MCM9: variants seen among roughly 807,000 people sequenced by gnomAD.
The protein encoded by MCM9 is minichromosome maintenance 9 homologous recombination repair factor.
MCM9 carries 55 observed loss-of-function variants against 72.8 expected under a neutral mutation model. The observed-to-expected ratio is 0.76, with a 90% CI of 0.61 to 0.95. The LOEUF is 0.95. Among genes scored for constraint, MCM9 ranks in the 40% least tolerant of loss-of-function variants. The pLI is 0.00. For synonymous variants in MCM9, 480 were observed against 503.4 expected (o/e 0.95, Z 0.62); for missense variants, 1,279 against 1,377.0 (o/e 0.93, Z 1.13).
intron 8 of MCM9, among the ~76,000 whole-genome samples, chr6:118,903,406 G>A (rs1779939171): frequency 6.6e-6 from 1 of 152,080 alleles, no homozygotes; most frequent in Admixed American, 6.6e-5. Context: ...ATTTACAAAT[G>A]AATTCCAAAA....
chr6:118,832,043 C>G (rs1110085), intron 9 of MCM9, among the ~76,000 whole-genome samples: 148,626 of 152,208 alleles, frequency 0.98, 72,683 homozygotes, highest in Middle Eastern at 1. Context: ...CTGGGATTTT[C>G]GGCATCAACT....
At position 118,830,016 on chromosome 6, in the gene MCM9, G is replaced by T. The variant is rs116225524; in HGVS notation, c.1326-766C>A. On this transcript the variant is annotated intron_variant, in intron 9 of 13. Transcript: ENST00000619706. ...GACAGGAAAGGACTGTGGACAGGATGCAGGGTAGGGGCTCTAGTACAATGG... is the reference window on the plus strand; with the variant it reads ...GACAGGAAAGGACTGTGGACAGGATTCAGGGTAGGGGCTCTAGTACAATGG... Among the ~76,000 whole-genome samples the T allele has an allele frequency of 3.5e-3, 538 of 152,288 alleles. 1 individual carries two copies. Among genetic ancestry groups the T allele is most frequent in the African/African-American group, 0.013 (523 of 41,538 alleles).
chr6:118,905,548 G>C, intron 8 of MCM9: 1 of 817,234 alleles, frequency 1.2e-6, no homozygotes, highest in Non-Finnish European at 1.8e-6. Context: ...AGTTTTTCTT[G>C]TTGCATCCTC....
intron 9 of MCM9, among the ~76,000 whole-genome samples, chr6:118,846,224 A>G (rs1775854246): frequency 6.6e-6 from 1 of 151,934 alleles, no homozygotes; most frequent in African/African-American, 2.4e-5. Context: ...CAAAGCAAGC[A>G]AATAAACCCA....
chr6:118,876,417 C>T (rs1222514342), intron 8 of MCM9, among the ~76,000 whole-genome samples: 3 of 152,082 alleles, frequency 2.0e-5, no homozygotes, highest in Non-Finnish European at 2.9e-5. Flanking sequence ...GTTGGTTTAT[C>T]GGTTGTAATG....
At chr6:118,821,744 T>C (rs775993693) in intron 13 of MCM9, among the ~76,000 whole-genome samples, 18 of 152,184 alleles carry the variant, frequency 1.2e-4, no homozygotes, top group Non-Finnish European at 2.1e-4. Context: ...TCCCCATCAT[T>C]TTCAGGTATA....
intron 8 of MCM9, among the ~76,000 whole-genome samples, chr6:118,857,130 G>A (rs981980751): frequency 6.6e-6 from 1 of 152,134 alleles, no homozygotes; most frequent in Non-Finnish European, 1.5e-5. Context: ...TCCTCTGGTC[G>A]AGTGGTCTAA....
intron 9 of MCM9, among the ~76,000 whole-genome samples, chr6:118,832,304 C>T (rs2114570945): frequency 6.6e-6 from 1 of 152,270 alleles, no homozygotes; most frequent in South Asian, 2.1e-4. Context: ...CCCCAAGAAT[C>T]CTCCCGCCTT....
rs372985609 is a variant in MCM9 at position 118,894,001 on chromosome 6, G to A, written c.1150+17649C>T. ...CGCCGCCGCCGGCGGCCTCCGCGCG[G>A]GCCTCCCAGCCCTTATTCCACTCAC... On this transcript the variant is annotated intron_variant, in intron 8 of 13. Coordinates refer to ENST00000619706, the MANE Select transcript of MCM9 (RefSeq NM_017696.3). 6.7e-5 allele frequency: 66 copies of A among 985,112 alleles called. No individual in the cohort carries two copies. In the East Asian group the frequency reaches 3.0e-3, roughly 44 times the overall value. 61.0% of individuals were successfully genotyped at this position (985,112 alleles called of 1,614,324 possible). A position where few individuals can be genotyped will look rare whatever the true frequency, so the allele number is the denominator to read the frequency against.
intron 9 of MCM9, among the ~76,000 whole-genome samples, chr6:118,832,838 A>G (rs543998798): frequency 6.6e-6 from 1 of 152,324 alleles, no homozygotes; most frequent in South Asian, 2.1e-4. Context: ...ATATGCTGGT[A>G]CTTCCAAATT....
intron 9 of MCM9, among the ~76,000 whole-genome samples, chr6:118,845,548 C>T (rs934938469): frequency 3.3e-5 from 5 of 151,738 alleles, no homozygotes; most frequent in African/African-American, 1.2e-4. Flanking sequence ...TTGTTTTTTA[C>T]TTTATTTTTT....
intron 13 of MCM9, among the ~76,000 whole-genome samples, chr6:118,823,041 C>T (rs1281113475): frequency 6.6e-6 from 1 of 152,152 alleles, no homozygotes; most frequent in Non-Finnish European, 1.5e-5. Flanking sequence ...TCTTGGCTTG[C>T]TAGACTCCAT....
At chr6:118,910,098 C>A (rs891340445) in intron 8 of MCM9, among the ~76,000 whole-genome samples, 1 of 126,184 alleles carries the variant, frequency 7.9e-6, no homozygotes, top group Non-Finnish European at 1.6e-5. Context: ...GCCTGGGCGA[C>A]AGCACTAGAC....
intron 9 of MCM9, among the ~76,000 whole-genome samples, chr6:118,856,134 T>A (rs556928479): frequency 6.6e-6 from 1 of 152,316 alleles, no homozygotes; most frequent in South Asian, 2.1e-4. Context: ...TTCCACTAGT[T>A]TAGTCAACCA....
intron 8 of MCM9, chr6:118,900,728 A>T: frequency 7.3e-7 from 1 of 1,363,422 alleles, no homozygotes; most frequent in Non-Finnish European, 1.1e-6. Flanking sequence ...TAATGTAATT[A>T]CTGAATATGA....
At chr6:118,914,295 C>CT in intron 6 of MCM9, among the ~76,000 whole-genome samples, 1 of 152,274 alleles carries the variant, frequency 6.6e-6, no homozygotes, top group East Asian at 1.9e-4. Flanking sequence ...CGCACCAAAT[C>CT]TGAGAATCTG....
At chr6:118,886,546 C>A (rs1022959820) in intron 8 of MCM9, among the ~76,000 whole-genome samples, 9 of 151,988 alleles carry the variant, frequency 5.9e-5, no homozygotes, top group African/African-American at 2.2e-4. Flanking sequence ...AATTCTATGT[C>A]TACACACTTG....
At chr6:118,933,642 G>T (rs565442740) in intron 1 of MCM9, among the ~76,000 whole-genome samples, 1 of 152,102 alleles carries the variant, frequency 6.6e-6, no homozygotes, top group Non-Finnish European at 1.5e-5. Flanking sequence ...AATATTAAAG[G>T]AGACTGCTAT....
rs576382724 is a variant in MCM9 at position 118,924,067 on chromosome 6, T to G, written c.365A>C (p.His122Pro). The G allele has an allele frequency of 6.2e-7, 1 of 1,614,220 alleles. No homozygotes were observed. The highest frequency in any genetic ancestry group is 1.1e-5 in the South Asian group (1 of 91,084). ...EHIPKTKDVG[H>P]FLSVTGTVIR... ...CACTGTCCCAGTGACAGATAAAAAG[T>G]GTCCCACATCCTTGGTTTTAGGTAT... The change falls in exon 4 of 14, where the codon CAC becomes CCC. Residue 122 changes from histidine (H) to proline (P), a missense_variant. Transcript: ENST00000619706.
Sources: gnomAD v4.1 joint callset for allele counts (sites outside exome capture counted in the v4.1 genomes callset) on GRCh38, gnomAD v4.1.1 for gene constraint, MANE v1.5 for transcripts, NCBI Gene and HGNC (gene_info 2026-07-23, HGNC 2026-07-21) for gene names.